Variants in CDH16 observed in about 807,000 individuals in gnomAD.
CDH16 encodes cadherin 16.
A neutral mutation model predicts 87.6 loss-of-function variants in CDH16; 79 were observed. The observed-to-expected ratio is 0.90, with a 90% CI of 0.75 to 1.09. The LOEUF (loss-of-function observed/expected upper bound fraction) is 1.09. Among genes scored for constraint, CDH16 ranks in the 50% least tolerant of loss-of-function variants. The pLI, the probability that CDH16 is intolerant of heterozygous loss-of-function variation, is 0.00. For synonymous variants in CDH16, 457 were observed against 439.5 expected (o/e 1.04, Z -0.50); for missense variants, 1,124 against 1,071.7 (o/e 1.05, Z -0.68).
rs1244687657 is a variant in CDH16 at position 66,909,623 on chromosome 16, C to T, written c.2276-240G>A. ...AGTTCATGGCTGGCATGGTGAAACC[C>T]CATCTCTACTAAAAATACAAAAATT... On this transcript the variant is annotated intron_variant, in intron 16 of 17. Coordinates refer to ENST00000299752, the MANE Select transcript of CDH16 (RefSeq NM_004062.4). The surrounding 1 kb of genome is among the most constrained non-coding windows in gnomAD (Gnocchi z 4.1). Among the ~76,000 whole-genome samples the T allele has an allele frequency of 5.9e-5, 9 of 152,102 alleles. No homozygotes were observed. The highest frequency in any genetic ancestry group is 2.1e-4 in the South Asian group (1 of 4,828).
At chr16:66,910,584 C>T (rs138590575) in intron 14 of CDH16, 82 bp from the exon 15 acceptor site, 3 of 1,387,362 alleles carry the variant, frequency 2.2e-6, no homozygotes, top group South Asian at 3.5e-5. Context: ...CTCCCGCAGC[C>T]CATGAGCCTC....
At position 66,909,469 on chromosome 16, in the gene CDH16, A is replaced by T; in HGVS notation, c.2276-86T>A. On this transcript the variant is annotated intron_variant, in intron 16 of 17. Transcript: ENST00000299752. This position sits in a 1 kb window ranked among gnomAD's most constrained non-coding sequence, Gnocchi z 4.1. ...CCCCCAGCCCAGCCACCTGGCTGAT[A>T]TGTGTGTGTTTCTGCACATGTGTGT... 1.2e-6 allele frequency: 1 copy of T among 868,086 alleles called. No homozygotes were observed. The highest frequency in any genetic ancestry group is 1.9e-6 in the Non-Finnish European group (1 of 538,870). The allele number at this position is 868,086 out of a possible 1,614,324, so 53.8% of individuals were successfully genotyped here.
In CDH16 at chr16:66,915,279, G is replaced by A. The variant is rs749768823; in HGVS notation, c.524C>T (p.Pro175Leu). The A allele has an allele frequency of 6.2e-7, 1 of 1,613,924 alleles. No individual in the cohort carries two copies. The highest frequency in any genetic ancestry group is 1.3e-5 in the African/African-American group (1 of 74,934). ...CTCCAGCTGGAACATGTCTGGGGAA[G>A]GCTGGGCTGGAGCCTGGCTCAGGAT... ...FHILSQAPAQ[P>L]SPDMFQLEPR... Residue 175 changes from proline (P) to leucine (L), a missense_variant, in exon 6 of 18, where the codon CCT (proline) becomes CTT (leucine). Physicochemically the swap from Pro to Leu is moderately conservative, Grantham distance 98 (BLOSUM62 -3). Coordinates refer to ENST00000299752, the MANE Select transcript of CDH16 (RefSeq NM_004062.4).
Position 66,915,398 on chromosome 16 carries a change from C to A in CDH16, c.425-20G>T. ...GGATGCCTGGTTCACGGTGGGAGGG[C>A]AAACTGTAAGGGATAGAGAGGGTGG... On this transcript the variant is annotated intron_variant, in intron 5 of 17. Transcript: ENST00000299752. 1 of 1,611,926 alleles carries A rather than the reference C, an allele frequency of 6.2e-7. No homozygotes were observed. Among genetic ancestry groups the A allele is most frequent in the Non-Finnish European group, 8.5e-7 (1 of 1,178,882 alleles).
At chr16:66,910,235 C>T (rs377169187) in intron 15 of CDH16, 25 bp downstream of exon 15, 84 of 1,571,358 alleles carry the variant, frequency 5.3e-5, no homozygotes, top group Non-Finnish European at 7.2e-5. Flanking sequence ...TGGCCACAGC[C>T]TCCCTCCCTT....
At position 66,917,441 on chromosome 16, in the gene CDH16, GA is replaced by G. The variant is rs148501197; in HGVS notation, c.129+200del. On this transcript the variant is annotated intron_variant, in intron 3 of 17. Coordinates refer to ENST00000299752, the MANE Select transcript of CDH16 (RefSeq NM_004062.4). ...ATATGCAAATATTCCAAAATCTGAA[GA>G]AAAAAAAAAATCCAAAATCTGAAAC... Among the ~76,000 whole-genome samples the G allele has an allele frequency of 2.4e-3, 355 of 146,072 alleles. 1 individual carries two copies. The highest frequency in any genetic ancestry group is 6.1e-3 in the African/African-American group (242 of 39,970).
chr16:66,913,145 T>G lies in CDH16; in HGVS notation c.1040A>C (p.Glu347Ala). The G allele has an allele frequency of 6.2e-7, 1 of 1,609,230 alleles. No individual in the cohort carries two copies. Among genetic ancestry groups the G allele is most frequent in the Non-Finnish European group, 8.5e-7 (1 of 1,177,846 alleles). ...PPRDPTVSIP[E>A]LSPPGTEVTR... ...CTGTAGCTCACCTGGTGGACTGAGC[T>G]CAGGGATGCTGACTGTGGGGTCACG... is the stretch of plus-strand genomic sequence containing the variant. The change falls in exon 9 of 18, where the codon GAG (glutamate) becomes GCG (alanine). Residue 347 changes from glutamate (E) to alanine (A), a missense_variant. Glu to Ala is a moderately radical substitution (Grantham distance 107). Transcript: ENST00000299752.
rs752249348 is a variant in CDH16 at position 66,910,332 on chromosome 16, G to A, written c.2095C>T (p.His699Tyr). 4.8e-5 allele frequency: 78 copies of A among 1,613,764 alleles called. 1 individual carries two copies. The Middle Eastern group carries it at 1.2e-3, about 24-fold the overall frequency. ...CCAAGGGTGAAGCTGTAGGGACCGTGCCCACTGGCCAGATCGGGGTCCTTG... is the reference window on the plus strand; with the variant it reads ...CCAAGGGTGAAGCTGTAGGGACCGTACCCACTGGCCAGATCGGGGTCCTTG... ...PSKDPDLASG[H>Y]GPYSFTLGPN... is the part of the protein sequence containing the mutation. The change falls in exon 15 of 18, where the codon CAC becomes TAC. Residue 699 changes from histidine to tyrosine, a missense_variant. Coordinates refer to ENST00000299752, the MANE Select transcript of CDH16 (RefSeq NM_004062.4).
At chr16:66,915,950 T>C (rs914610896) in intron 5 of CDH16, 115 bp downstream of exon 5, 1 of 1,144,278 alleles carries the variant, frequency 8.7e-7, no homozygotes, top group South Asian at 1.5e-5. Context: ...AAAAAAGAAA[T>C]GGGACAGAAA....
chr16:66,914,816 G>A (rs1006786636), intron 6 of CDH16, among the ~76,000 whole-genome samples: 1 of 152,058 alleles, frequency 6.6e-6, no homozygotes, highest in Non-Finnish European at 1.5e-5. Context: ...GGCGGTAGAC[G>A]GGTGAATGCG....
chr16:66,909,887 G>A lies in CDH16; in HGVS notation c.2275+99C>T. On this transcript the variant is annotated intron_variant, in intron 16 of 17. Transcript: ENST00000299752. This position sits in a 1 kb window ranked among gnomAD's most constrained non-coding sequence, Gnocchi z 4.1. Reference sequence around the variant, plus strand: ...GTGCAAGTGTGCACAGGCATGTGCTGTCCACATGAGCAGCCTGTATGCATG... The same window carrying A: ...GTGCAAGTGTGCACAGGCATGTGCTATCCACATGAGCAGCCTGTATGCATG... 1 of 849,258 alleles carries A rather than the reference G, an allele frequency of 1.2e-6. No homozygotes were observed. The highest frequency in any genetic ancestry group is 2.5e-5 in the East Asian group (1 of 40,748). The allele number at this position is 849,258 out of a possible 1,614,324, so 52.6% of individuals were successfully genotyped here. A position where few individuals can be genotyped will look rare whatever the true frequency, so the allele number is the denominator to read the frequency against.
chr16:66,917,376 T>C (rs1015180726), intron 3 of CDH16, among the ~76,000 whole-genome samples: 3 of 152,042 alleles, frequency 2.0e-5, no homozygotes, highest in Non-Finnish European at 4.4e-5. Flanking sequence ...GAATTTCCTA[T>C]CTAGATTTGG....
intron 9 of CDH16, 23 bp downstream of exon 9, chr16:66,913,108 C>A: frequency 6.3e-7 from 1 of 1,593,144 alleles, no homozygotes; most frequent in South Asian, 1.1e-5. Context: ...GAGACTTCGT[C>A]CCTCTCCCAT....
chr16:66,911,785 A>C, intron 13 of CDH16, 114 bp downstream of exon 13: 1 of 1,308,976 alleles, frequency 7.6e-7, no homozygotes, highest in Non-Finnish European at 1.0e-6. Flanking sequence ...CATTTGCCAT[A>C]GTTTGAGAAA....
chr16:66,908,543 T>A, intron 17 of CDH16, 54 bp from the exon 18 acceptor site: 1 of 1,358,196 alleles, frequency 7.4e-7, no homozygotes, highest in Non-Finnish European at 1.1e-6. Context: ...TGGGACTTGT[T>A]CATCACGAGG....
intron 6 of CDH16, 31 bp from the exon 7 acceptor site, chr16:66,914,443 G>A (rs1428402081): frequency 1.3e-6 from 2 of 1,568,170 alleles, no homozygotes; most frequent in Non-Finnish European, 1.8e-6. Flanking sequence ...AGCTGAGCAG[G>A]CAGCCAGGGA....
chr16:66,916,159 C>A lies in CDH16; in HGVS notation c.330G>T (p.Gln110His). The change falls in exon 5 of 18, where the codon CAG (glutamine) becomes CAT (histidine). Residue 110 changes from glutamine to histidine, a missense_variant. Coordinates refer to ENST00000299752, the MANE Select transcript of CDH16 (RefSeq NM_004062.4). The surrounding 1 kb of genome is among the most constrained non-coding windows in gnomAD (Gnocchi z 4.1). ...MQDGHVLWGPQPVLVHVKDEN... is the reference protein window; with the variant it reads ...MQDGHVLWGPHPVLVHVKDEN... ...CATCCTTCACGTGCACAAGCACAGG[C>A]TGTGGACCCCACAAGACATGTCCAT... 1 of 1,614,278 alleles carries A rather than the reference C, an allele frequency of 6.2e-7. No homozygotes were observed. Among genetic ancestry groups the A allele is most frequent in the Non-Finnish European group, 8.5e-7 (1 of 1,180,052 alleles).
chr16:66,910,271 T>C lies in CDH16; in HGVS notation c.2156A>G (p.Gln719Arg). ...NPTVQRDWRL[Q>R]TLNGSHAYLT... Reference sequence around the variant, plus strand: ...TCCCCACCACACACCATTGAGAGTCTGGAGGCGCCAATCCCGTTGCACCGT... The same window carrying C: ...TCCCCACCACACACCATTGAGAGTCCGGAGGCGCCAATCCCGTTGCACCGT... The change falls in exon 15 of 18, where the codon CAG becomes CGG. Residue 719 changes from glutamine (Q) to arginine (R), a missense_variant. Gln to Arg is a conservative substitution (Grantham distance 43). Coordinates refer to ENST00000299752, the MANE Select transcript of CDH16 (RefSeq NM_004062.4). 6.2e-7 allele frequency: 1 copy of C among 1,601,748 alleles called. No individual in the cohort carries two copies. Among genetic ancestry groups the C allele is most frequent in the Non-Finnish European group, 8.5e-7 (1 of 1,173,278 alleles).
Position 66,916,288 on chromosome 16 carries a change from C to G in CDH16, c.271G>C (p.Glu91Gln). ...TRALDREEQA[E>Q]YQLQVTLEMQ... The stretch of plus-strand genomic sequence containing the variant: ...CCCAGCCATACCTGTAGCTGGTACT[C>G]TGCCTGCTCCTCTCGGTCCAGGGCC... The change falls in exon 4 of 18, where the codon GAG (glutamate) becomes CAG (glutamine). Residue 91 changes from glutamate (E) to glutamine (Q), a missense_variant. Glu to Gln is a conservative substitution (Grantham distance 29). Coordinates refer to ENST00000299752, the MANE Select transcript of CDH16 (RefSeq NM_004062.4). This position sits in a 1 kb window ranked among gnomAD's most constrained non-coding sequence, Gnocchi z 4.1. The G allele has an allele frequency of 3.7e-6, 6 of 1,613,790 alleles. No individual in the cohort carries two copies. The highest frequency in any genetic ancestry group is 1.1e-5 in the South Asian group (1 of 91,070).
Sources: allele counts gnomAD v4.1 joint callset (sites outside exome capture counted in the v4.1 genomes callset), GRCh38; gene constraint gnomAD v4.1.1; non-coding constraint Gnocchi (gnomAD v3.1); transcripts MANE v1.5; gene names NCBI Gene and HGNC (gene_info 2026-07-23, HGNC 2026-07-21).